The following SLC39A11 variants were observed in gnomAD, a reference collection of about 807,000 sequenced individuals.
SLC39A11 encodes zinc transporter ZIP11.
SLC39A11 carries 33 observed loss-of-function variants against 36.1 expected under a neutral mutation model. That is an observed-to-expected ratio of 0.91 (90% CI 0.69 to 1.22). The LOEUF (loss-of-function observed/expected upper bound fraction) is 1.22, where lower values mean the gene tolerates loss of function less well. Among genes scored for constraint, SLC39A11 ranks in the 50% most tolerant of loss-of-function variants. The probability of loss-of-function intolerance (pLI) is 0.00; values close to 1 mark genes in which losing one functional copy is unlikely to be tolerated. For synonymous variants in SLC39A11, 166 were observed against 170.3 expected (o/e 0.97, Z 0.20); for missense variants, 432 against 430.3 (o/e 1.00, Z -0.03).
chr17:73,066,440 C>G (rs1000732772), intron 3 of SLC39A11, among the ~76,000 whole-genome samples: 1 of 152,232 alleles, frequency 6.6e-6, no homozygotes, highest in Non-Finnish European at 1.5e-5. Context: ...TCCACATTTA[C>G]AGTCTGTTAA....
rs1045179634 is a variant in SLC39A11 at position 72,947,905 on chromosome 17, G to T, written c.307-30C>A. 4 of 1,610,536 alleles carry T rather than the reference G, an allele frequency of 2.5e-6. No homozygotes were observed. In the African/African-American group the frequency reaches 5.3e-5, roughly 22 times the overall value. ...AACAAGAAGCGGTAACATCACTAGAGCACCACTACTGTGTTAATTCCCCAG... is the reference window on the plus strand; with the variant it reads ...AACAAGAAGCGGTAACATCACTAGATCACCACTACTGTGTTAATTCCCCAG... On this transcript the variant is annotated intron_variant, in intron 4 of 9. Coordinates refer to ENST00000255559, the MANE Select transcript of SLC39A11 (RefSeq NM_139177.4).
chr17:72,750,949 C>A (rs2075132061), intron 6 of SLC39A11, among the ~76,000 whole-genome samples: 1 of 152,028 alleles, frequency 6.6e-6, no homozygotes, highest in Non-Finnish European at 1.5e-5. Flanking sequence ...TGGCTTAGCT[C>A]AAAGAGAAGG....
chr17:73,020,680 C>CTTTTTTTTTTTTTTTTTTTT (rs71154945), intron 4 of SLC39A11, among the ~76,000 whole-genome samples: 2 of 98,890 alleles, frequency 2.0e-5, no homozygotes, highest in Non-Finnish European at 3.7e-5. Flanking sequence ...TTGTTTCTTT[C>CTTTTTTTTTTTTTTTTTTTT]TTTTTTTTTT....
intron 6 of SLC39A11, among the ~76,000 whole-genome samples, chr17:72,753,603 A>G (rs1394683537): frequency 6.6e-6 from 1 of 152,004 alleles, no homozygotes; most frequent in Non-Finnish European, 1.5e-5. Context: ...TGTTTTCTCC[A>G]GAGTAGGTTG....
At chr17:72,745,342 G>C (rs4592707) in intron 6 of SLC39A11, among the ~76,000 whole-genome samples, 54,827 of 152,144 alleles carry the variant, frequency 0.36, 13,428 homozygotes, top group African/African-American at 0.7. Context: ...CCAGACTATG[G>C]TCCCTGGGAT....
intron 6 of SLC39A11, among the ~76,000 whole-genome samples, chr17:72,799,102 T>C (rs954708307): frequency 2.6e-5 from 4 of 152,142 alleles, no homozygotes; most frequent in Middle Eastern, 3.2e-3. Flanking sequence ...TGCATGTCTG[T>C]TGCAGGAAGT....
chr17:72,808,921 C>T (rs761066685), intron 6 of SLC39A11, among the ~76,000 whole-genome samples: 1 of 152,310 alleles, frequency 6.6e-6, no homozygotes, highest in Non-Finnish European at 1.5e-5. Context: ...TAGCCTTTAA[C>T]TTCTGAGGGA....
chr17:72,747,123 C>T lies in SLC39A11; in HGVS notation c.602-10404G>A, dbSNP rs919083783. Among the ~76,000 whole-genome samples, 5 of 152,116 alleles carry T rather than the reference C, an allele frequency of 3.3e-5. No homozygotes were observed. In the East Asian group the frequency reaches 9.6e-4, roughly 29 times the overall value. ...GAGTGGACAATGGGGGCTTTGGGGA[C>T]AGGGTGTGCCCACCTCCAGCTGCAT... On this transcript the variant is annotated intron_variant, in intron 6 of 9. Coordinates refer to ENST00000255559, the MANE Select transcript of SLC39A11 (RefSeq NM_139177.4).
At chr17:72,728,907 C>T (rs994718069) in intron 7 of SLC39A11, among the ~76,000 whole-genome samples, 1 of 152,172 alleles carries the variant, frequency 6.6e-6, no homozygotes, top group Non-Finnish European at 1.5e-5. Flanking sequence ...ACAAAATCAG[C>T]TGGCAAACGC....
chr17:72,851,072 G>A (rs772342809), intron 5 of SLC39A11, among the ~76,000 whole-genome samples: 1 of 152,000 alleles, frequency 6.6e-6, no homozygotes, highest in Non-Finnish European at 1.5e-5. Flanking sequence ...ACATCAACAA[G>A]CAGAGATGGG....
At chr17:72,795,419 T>A (rs1330386563) in intron 6 of SLC39A11, among the ~76,000 whole-genome samples, 3 of 151,940 alleles carry the variant, frequency 2.0e-5, no homozygotes, top group Non-Finnish European at 4.4e-5. Flanking sequence ...GAGCAAGACA[T>A]GACAGAGAAA....
chr17:72,843,532 C>T lies in SLC39A11; in HGVS notation c.601+6102G>A, dbSNP rs1046604429. On this transcript the variant is annotated intron_variant, in intron 6 of 9. Coordinates refer to ENST00000255559, the MANE Select transcript of SLC39A11 (RefSeq NM_139177.4). ...TCATGAAATGAGACTCCAGAGAGTG[C>T]CCTCTTTCCACCATGTGAGGATACA... 3.3e-5 allele frequency among the ~76,000 whole-genome samples: 5 copies of T among 152,098 alleles called. No individual in the cohort carries two copies. The South Asian group carries it at 8.3e-4, about 25-fold the overall frequency.
intron 6 of SLC39A11, among the ~76,000 whole-genome samples, chr17:72,740,774 TA>T (rs1474812993): frequency 1.3e-5 from 2 of 152,190 alleles, no homozygotes; most frequent in Non-Finnish European, 2.9e-5. Flanking sequence ...TTTTTATTTT[TA>T]TTTTTTATTT....
intron 5 of SLC39A11, among the ~76,000 whole-genome samples, chr17:72,877,735 C>A (rs904294016): frequency 6.6e-6 from 1 of 152,234 alleles, no homozygotes; most frequent in East Asian, 1.9e-4. Flanking sequence ...CCGGGGACAG[C>A]GTGCTTTACT....
intron 4 of SLC39A11, among the ~76,000 whole-genome samples, chr17:72,956,107 C>A (rs2086235978): frequency 6.6e-6 from 1 of 152,138 alleles, no homozygotes; most frequent in Non-Finnish European, 1.5e-5. Flanking sequence ...CACCCTGAAG[C>A]CCACGATCCC....
chr17:72,722,954 A>G (rs2073761980), intron 7 of SLC39A11, among the ~76,000 whole-genome samples: 1 of 152,094 alleles, frequency 6.6e-6, no homozygotes, highest in South Asian at 2.1e-4. Context: ...TAGAAGGGTG[A>G]TCTCTCATAA....
At chr17:72,834,042 A>G (rs545328410) in intron 6 of SLC39A11, among the ~76,000 whole-genome samples, 2 of 152,170 alleles carry the variant, frequency 1.3e-5, no homozygotes, top group African/African-American at 4.8e-5. Context: ...CAGAAATGGA[A>G]CTCCTCCCAA....
intron 4 of SLC39A11, 87 bp downstream of exon 4, chr17:73,031,469 A>G (rs1045114936): frequency 2.9e-6 from 4 of 1,402,754 alleles, no homozygotes; most frequent in Non-Finnish European, 4.0e-6. Flanking sequence ...AGACATTAAC[A>G]GGTATGTCAG....
intron 7 of SLC39A11, among the ~76,000 whole-genome samples, chr17:72,694,229 G>A (rs772870769): frequency 6.6e-6 from 1 of 152,126 alleles, no homozygotes; most frequent in Admixed American, 6.5e-5. Context: ...CTGAGAAGGG[G>A]GTCTCACAAA....
Sources: gnomAD v4.1 joint callset for allele counts (sites outside exome capture counted in the v4.1 genomes callset) on GRCh38, gnomAD v4.1.1 for gene constraint, MANE v1.5 for transcripts, NCBI Gene and HGNC (gene_info 2026-07-23, HGNC 2026-07-21) for gene names.